The following CSMD1 variants were observed in gnomAD, a reference collection of about 807,000 sequenced individuals.
CSMD1 encodes CUB and sushi domain-containing protein 1.
In CSMD1, 213 loss-of-function variants were observed where a neutral mutation model predicts 417.5. The observed-to-expected ratio is 0.51, with a 90% confidence interval of 0.46 to 0.57. The LOEUF (loss-of-function observed/expected upper bound fraction) is 0.57, where lower values mean the gene tolerates loss of function less well. Ranked by LOEUF, CSMD1 falls within the 20% of genes least tolerant of loss-of-function variation. The probability of loss-of-function intolerance (pLI) is 0.00; values close to 1 mark genes in which losing one functional copy is unlikely to be tolerated. For synonymous variants in CSMD1, 2,862 were observed against 1,736.8 expected (o/e 1.65, Z -16.11); for missense variants, 6,923 against 4,529.7 (o/e 1.53, Z -15.17).
chr8:3,474,322 C>A (rs1817285845), intron 11 of CSMD1, among the ~76,000 whole-genome samples: 2 of 151,982 alleles, frequency 1.3e-5, no homozygotes, highest in Admixed American at 1.3e-4. Flanking sequence ...AATGCAATAG[C>A]AAAGTGCTCA....
intron 7 of CSMD1, among the ~76,000 whole-genome samples, chr8:3,647,651 A>T (rs1482209): frequency 0.94 from 143,843 of 152,266 alleles, 68,017 homozygotes; most frequent in African/African-American, 0.99. Context: ...AAGCATTCAA[A>T]CAAATTTTGT....
intron 5 of CSMD1, among the ~76,000 whole-genome samples, chr8:3,988,961 TTATTTGC>T (rs1282693244): frequency 1.1e-4 from 16 of 152,312 alleles, no homozygotes; most frequent in African/African-American, 3.8e-4. Context: ...AATTTGAAGG[TTATTTGC>T]TGAACATAGA....
intron 3 of CSMD1, among the ~76,000 whole-genome samples, chr8:4,411,631 T>C (rs1248585920): frequency 1.3e-5 from 2 of 152,180 alleles, no homozygotes; most frequent in Non-Finnish European, 2.9e-5. Context: ...CACCTGCTCA[T>C]TCCATTCTTC....
At chr8:3,914,721 CT>C (rs374777750) in intron 5 of CSMD1, among the ~76,000 whole-genome samples, 32 of 150,998 alleles carry the variant, frequency 2.1e-4, no homozygotes, top group African/African-American at 6.6e-4. Context: ...TTGACTATCC[CT>C]TTTTTTTTCA....
At chr8:4,120,013 C>A (rs1468865123) in intron 3 of CSMD1, among the ~76,000 whole-genome samples, 1 of 152,130 alleles carries the variant, frequency 6.6e-6, no homozygotes, top group East Asian at 1.9e-4. Context: ...AGGGTGACGG[C>A]AGTTGATGAT....
intron 2 of CSMD1, among the ~76,000 whole-genome samples, chr8:4,449,951 C>T (rs546343657): frequency 6.6e-6 from 1 of 152,146 alleles, no homozygotes; most frequent in Admixed American, 6.5e-5. Context: ...CAATTTTGCT[C>T]TTTTTCTTGT....
intron 3 of CSMD1, among the ~76,000 whole-genome samples, chr8:4,396,075 G>C (rs571629016): frequency 1.3e-4 from 20 of 152,172 alleles, no homozygotes; most frequent in African/African-American, 4.6e-4. Context: ...ACCCATTTCT[G>C]TCTTATACCA....
At chr8:4,270,651 C>G (rs929258088) in intron 3 of CSMD1, among the ~76,000 whole-genome samples, 2 of 152,168 alleles carry the variant, frequency 1.3e-5, no homozygotes, top group Admixed American at 6.6e-5. Flanking sequence ...AAATGAAGAT[C>G]GCGTGTCTGC....
intron 4 of CSMD1, among the ~76,000 whole-genome samples, chr8:4,029,624 G>C (rs893427594): frequency 1.4e-4 from 21 of 152,100 alleles, no homozygotes; most frequent in African/African-American, 3.1e-4. Context: ...GGTTTTGGTA[G>C]GGACACAGCC....
chr8:4,446,088 G>T (rs909425604), intron 2 of CSMD1, among the ~76,000 whole-genome samples: 1 of 152,200 alleles, frequency 6.6e-6, no homozygotes, highest in Non-Finnish European at 1.5e-5. Flanking sequence ...AGGGCTCCGT[G>T]TTCACTGTAG....
intron 12 of CSMD1, among the ~76,000 whole-genome samples, chr8:3,466,665 G>C (rs1274516286): frequency 6.7e-6 from 1 of 148,336 alleles, no homozygotes; most frequent in Non-Finnish European, 1.5e-5. Context: ...CTGACCTTAA[G>C]TGATCCGCCT....
intron 32 of CSMD1, 67 bp from the exon 33 acceptor site, chr8:3,199,876 A>G: frequency 1.1e-6 from 1 of 890,156 alleles, no homozygotes. Flanking sequence ...GTATTTTGGA[A>G]AATGGTGATA....
At chr8:4,903,756 T>G (rs555038751) in intron 1 of CSMD1, among the ~76,000 whole-genome samples, 6 of 152,120 alleles carry the variant, frequency 3.9e-5, no homozygotes, top group Non-Finnish European at 7.4e-5. Flanking sequence ...AATGGAAAGG[T>G]GAGAGGAGAA....
At chr8:4,376,043 A>G (rs774771557) in intron 3 of CSMD1, among the ~76,000 whole-genome samples, 1 of 152,190 alleles carries the variant, frequency 6.6e-6, no homozygotes, top group Non-Finnish European at 1.5e-5. Flanking sequence ...TTAAGTCTTG[A>G]TATCTATACT....
At chr8:4,675,180 C>A (rs1379272117) in intron 1 of CSMD1, among the ~76,000 whole-genome samples, 1 of 152,176 alleles carries the variant, frequency 6.6e-6, no homozygotes, top group African/African-American at 2.4e-5. Flanking sequence ...TAGTTTTAAA[C>A]CTTAGAACCT....
In CSMD1 at chr8:4,068,723, C is replaced by G. The variant is rs139208555; in HGVS notation, c.416-36624G>C. Reference sequence around the variant, plus strand: ...TATCTAGTGGGGAAAAAAGAAATAACTATGCCTGCGCTGTGTATTTCTGTA... The same window carrying G: ...TATCTAGTGGGGAAAAAAGAAATAAGTATGCCTGCGCTGTGTATTTCTGTA... On this transcript the variant is annotated intron_variant, in intron 3 of 69. Coordinates refer to ENST00000635120, the MANE Select transcript of CSMD1 (RefSeq NM_033225.6). 8.1e-3 allele frequency among the ~76,000 whole-genome samples: 1,230 copies of G among 152,162 alleles called. 19 individuals are homozygous for G. The highest frequency in any genetic ancestry group is 0.028 in the African/African-American group (1,167 of 41,522).
At chr8:4,399,279 C>T (rs1344292117) in intron 3 of CSMD1, among the ~76,000 whole-genome samples, 2 of 152,120 alleles carry the variant, frequency 1.3e-5, no homozygotes, top group African/African-American at 4.8e-5. Flanking sequence ...AACAAAGGAC[C>T]ATCATTAGTA....
chr8:3,596,610 T>C (rs1801106472), intron 8 of CSMD1, among the ~76,000 whole-genome samples: 1 of 151,950 alleles, frequency 6.6e-6, no homozygotes, highest in Admixed American at 6.6e-5. Context: ...CCCGGGCTTA[T>C]ATCTACACTT....
intron 1 of CSMD1, chr8:4,788,508 G>A (rs191170827): frequency 1.4e-6 from 2 of 1,386,634 alleles, no homozygotes; most frequent in Non-Finnish European, 1.0e-6. Flanking sequence ...TTAGTATGGA[G>A]CAAACTGTGA....
Sources: gnomAD v4.1 joint callset for allele counts (sites outside exome capture counted in the v4.1 genomes callset) on GRCh38, gnomAD v4.1.1 for gene constraint, MANE v1.5 for transcripts, NCBI Gene and HGNC (gene_info 2026-07-23, HGNC 2026-07-21) for gene names.